Variants in GMDS observed in about 807,000 individuals in gnomAD.
GMDS encodes GDP-mannose 4,6-dehydratase.
GMDS carries 20 observed loss-of-function variants against 49.9 expected under a neutral mutation model. That is an observed-to-expected ratio of 0.40 (90% CI 0.28 to 0.58). GMDS has a LOEUF of 0.58. Among genes scored for constraint, GMDS ranks in the 20% least tolerant of loss-of-function variants. The pLI is 0.42. For missense variants in GMDS, 362 were observed against 481.4 expected (o/e 0.75, Z 2.32); for synonymous variants, 177 against 178.6 (o/e 0.99, Z 0.07).
At chr6:2,119,069 T>C (rs1166046698) in intron 2 of GMDS, among the ~76,000 whole-genome samples, 1 of 152,178 alleles carries the variant, frequency 6.6e-6, no homozygotes, top group Non-Finnish European at 1.5e-5. Context: ...AATTCTCTGT[T>C]TTATTAAATA....
intron 7 of GMDS, among the ~76,000 whole-genome samples, chr6:1,885,268 C>T (rs1385315652): frequency 1.3e-5 from 2 of 152,128 alleles, no homozygotes; most frequent in Admixed American, 1.3e-4. Context: ...CTCCATGTTA[C>T]AGAGATAAAT....
chr6:2,226,261 G>T (rs1026001151), intron 1 of GMDS, among the ~76,000 whole-genome samples: 1 of 152,156 alleles, frequency 6.6e-6, no homozygotes, highest in Non-Finnish European at 1.5e-5. Flanking sequence ...TGAAACCCGT[G>T]AAGTCAGAGA....
intron 1 of GMDS, among the ~76,000 whole-genome samples, chr6:2,177,825 C>T (rs2127559571): frequency 6.6e-6 from 1 of 152,254 alleles, no homozygotes; most frequent in African/African-American, 2.4e-5. Context: ...ACCAAAAAGA[C>T]ATGCATACTT....
chr6:2,052,127 A>AAAAAAAAAAAAAAAAC (rs1562008330), intron 4 of GMDS, among the ~76,000 whole-genome samples: 1 of 139,540 alleles, frequency 7.2e-6, no homozygotes, highest in Non-Finnish European at 1.5e-5. Context: ...AAAAAAAAAA[A>AAAAAAAAAAAAAAAAC]AAAGAAAAAA....
At position 1,635,018 on chromosome 6, in the gene GMDS, A is replaced by T. The variant is rs556248404; in HGVS notation, c.988-10478T>A. Among the ~76,000 whole-genome samples the T allele has an allele frequency of 9.2e-5, 14 of 152,320 alleles. No homozygotes were observed. Among genetic ancestry groups the T allele is most frequent in the African/African-American group, 3.4e-4 (14 of 41,578 alleles). On this transcript the variant is annotated intron_variant, in intron 9 of 10. Transcript: ENST00000380815. The surrounding 1 kb of genome is among the most constrained non-coding windows in gnomAD (Gnocchi z 4.7). ...TACGAATCAACAATGCCAGAAGCGAAGTTCTCCTAGTGGAGTCTGCGTGTG... is the reference window on the plus strand; with the variant it reads ...TACGAATCAACAATGCCAGAAGCGATGTTCTCCTAGTGGAGTCTGCGTGTG...
At chr6:1,843,127 AT>A (rs1757220389) in intron 7 of GMDS, among the ~76,000 whole-genome samples, 2 of 151,152 alleles carry the variant, frequency 1.3e-5, no homozygotes, top group Admixed American at 6.6e-5. Context: ...ATAAAATAAA[AT>A]AAAATAAAAT....
chr6:2,076,234 T>C (rs1262900684), intron 4 of GMDS, among the ~76,000 whole-genome samples: 1 of 152,196 alleles, frequency 6.6e-6, no homozygotes, highest in Non-Finnish European at 1.5e-5. Context: ...TTTCTTTTGC[T>C]GTGCAGAAGC....
intron 7 of GMDS, among the ~76,000 whole-genome samples, chr6:1,750,607 G>A (rs947219863): frequency 4.6e-5 from 7 of 152,078 alleles, no homozygotes; most frequent in Non-Finnish European, 7.4e-5. Context: ...AGATTCCTTC[G>A]GGTGCCTATA....
Position 2,223,447 on chromosome 6 carries a change from A to G in GMDS, c.102+21874T>C, listed in dbSNP as rs1367754706. Among the ~76,000 whole-genome samples the G allele has an allele frequency of 2.8e-5, 4 of 143,232 alleles. No individual in the cohort carries two copies. In the East Asian group the frequency reaches 8.7e-4, roughly 31 times the overall value. The allele number at this position is 143,232 out of a possible 152,430, so 94.0% of individuals were successfully genotyped here. On this transcript the variant is annotated intron_variant, in intron 1 of 10. Coordinates refer to ENST00000380815, the MANE Select transcript of GMDS (RefSeq NM_001500.4). ...TGATCAGATGGTCACTCCAGCTAAAACTCACTGGCAGCAAATGAATGGAAA... is the reference window on the plus strand; with the variant it reads ...TGATCAGATGGTCACTCCAGCTAAAGCTCACTGGCAGCAAATGAATGGAAA...
At chr6:1,747,822 T>C (rs1296157471) in intron 7 of GMDS, among the ~76,000 whole-genome samples, 2 of 152,154 alleles carry the variant, frequency 1.3e-5, no homozygotes, top group East Asian at 3.8e-4. Context: ...ACAAACAGTG[T>C]GAAACCAAAG....
At chr6:2,021,065 CT>C (rs1448358316) in intron 4 of GMDS, among the ~76,000 whole-genome samples, 2 of 152,182 alleles carry the variant, frequency 1.3e-5, no homozygotes, top group Non-Finnish European at 2.9e-5. Context: ...CTGCATTTGG[CT>C]TTAATCAGGT....
At chr6:1,961,025 TCAG>T (rs1763913082) in intron 4 of GMDS, 59 bp from the exon 5 acceptor site, 2 of 1,008,726 alleles carry the variant, frequency 2.0e-6, no homozygotes, top group Non-Finnish European at 1.4e-6. Context: ...AAAGGTGCTG[TCAG>T]CAGGAACAAA....
Position 2,063,148 on chromosome 6 carries a change from A to G in GMDS, c.345+52623T>C, listed in dbSNP as rs58341806. ...GCATGGCACAGTGCCTGAAACTTTAAAGGTATCAAATAAAGATATTTTTAT... is the reference window on the plus strand; with the variant it reads ...GCATGGCACAGTGCCTGAAACTTTAGAGGTATCAAATAAAGATATTTTTAT... On this transcript the variant is annotated intron_variant, in intron 4 of 10. Transcript: ENST00000380815. Among the ~76,000 whole-genome samples the G allele has an allele frequency of 2.9e-3, 441 of 152,324 alleles. 1 individual carries two copies. Among genetic ancestry groups the G allele is most frequent in the African/African-American group, 0.01 (424 of 41,570 alleles).
intron 7 of GMDS, among the ~76,000 whole-genome samples, chr6:1,855,655 C>T (rs1757907646): frequency 6.6e-6 from 1 of 152,046 alleles, no homozygotes; most frequent in African/African-American, 2.4e-5. Flanking sequence ...TCAACTGGAC[C>T]AAGTGATAAA....
chr6:1,772,718 G>A (rs1368915434), intron 7 of GMDS, among the ~76,000 whole-genome samples: 1 of 152,146 alleles, frequency 6.6e-6, no homozygotes, highest in Non-Finnish European at 1.5e-5. Context: ...TGAAAAACTG[G>A]TCAGGGTTCG....
At chr6:2,103,923 C>T (rs1581654547) in intron 4 of GMDS, among the ~76,000 whole-genome samples, 1 of 152,178 alleles carries the variant, frequency 6.6e-6, no homozygotes, top group East Asian at 1.9e-4. Flanking sequence ...TAACAGCAAA[C>T]CCAGTATGGG....
intron 4 of GMDS, among the ~76,000 whole-genome samples, chr6:2,064,216 A>G (rs190682626): frequency 6.6e-6 from 1 of 152,344 alleles, no homozygotes; most frequent in Admixed American, 6.5e-5. Context: ...AAGTGATACT[A>G]AAAGTTTAGA....
chr6:2,087,199 T>A (rs535512946), intron 4 of GMDS, among the ~76,000 whole-genome samples: 1 of 152,330 alleles, frequency 6.6e-6, no homozygotes, highest in South Asian at 2.1e-4. Flanking sequence ...ATAGATTAGA[T>A]GGACAAGGAA....
intron 7 of GMDS, among the ~76,000 whole-genome samples, chr6:1,915,336 A>T (rs1308160684): frequency 6.6e-6 from 1 of 152,188 alleles, no homozygotes; most frequent in Non-Finnish European, 1.5e-5. Flanking sequence ...GAAATGGCCA[A>T]TTCTTCAGTG....
Sources: gnomAD v4.1 joint callset for allele counts (sites outside exome capture counted in the v4.1 genomes callset) on GRCh38, gnomAD v4.1.1 for gene constraint, Gnocchi (gnomAD v3.1) non-coding constraint, MANE v1.5 for transcripts, NCBI Gene and HGNC (gene_info 2026-07-23, HGNC 2026-07-21) for gene names.